Variants in LHFPL3 observed in about 807,000 individuals in gnomAD.
LHFPL3 encodes LHFPL tetraspan subfamily member 3 protein.
A neutral mutation model predicts 19.3 loss-of-function variants in LHFPL3; 5 were observed. That is an observed-to-expected ratio of 0.26 (90% confidence interval 0.14 to 0.54). LHFPL3 has a LOEUF of 0.54. Ranked by LOEUF, LHFPL3 falls within the 20% of genes least tolerant of loss-of-function variation. LHFPL3 has a pLI of 0.94. For synonymous variants in LHFPL3, 133 were observed against 126.2 expected, an observed-to-expected ratio of 1.05 and a Z score of -0.36; for missense variants, 249 against 307.4, an observed-to-expected ratio of 0.81 and a Z score of 1.42.
chr7:104,906,087 TC>T, intron 2 of LHFPL3, 99 bp from the exon 3 acceptor site: 1 of 1,130,224 alleles, frequency 8.8e-7, no homozygotes, highest in African/African-American at 1.5e-5. Flanking sequence ...GTATAGTTTT[TC>T]CGTGACAAAT....
At chr7:104,629,516 T>C (rs1323197752) in intron 1 of LHFPL3, among the ~76,000 whole-genome samples, 4 of 152,208 alleles carry the variant, frequency 2.6e-5, no homozygotes, top group East Asian at 3.8e-4. Context: ...CACATTTCTC[T>C]TGATGCCCTT....
chr7:104,854,417 T>G (rs972754234), intron 2 of LHFPL3, among the ~76,000 whole-genome samples: 1 of 152,232 alleles, frequency 6.6e-6, no homozygotes, highest in Non-Finnish European at 1.5e-5. Flanking sequence ...ACTCCTACCC[T>G]GTCTTCAGAG....
chr7:104,385,093 G>A (rs1382106333), intron 1 of LHFPL3, among the ~76,000 whole-genome samples: 1 of 152,098 alleles, frequency 6.6e-6, no homozygotes, highest in Non-Finnish European at 1.5e-5. Context: ...CTGGTGTGGT[G>A]ACTCACGCCT....
chr7:104,573,670 T>A (rs115225828), intron 1 of LHFPL3, among the ~76,000 whole-genome samples: 2,127 of 152,282 alleles, frequency 0.014, 45 homozygotes, highest in African/African-American at 0.048. Flanking sequence ...AGGGCCTGGG[T>A]AAAGGTTGGG....
intron 1 of LHFPL3, among the ~76,000 whole-genome samples, chr7:104,532,954 G>A (rs1794330085): frequency 6.6e-6 from 1 of 152,148 alleles, no homozygotes; most frequent in African/African-American, 2.4e-5. Context: ...GGTTTAATGT[G>A]TCAAGGAGGA....
At chr7:104,444,202 A>G (rs1263649517) in intron 1 of LHFPL3, among the ~76,000 whole-genome samples, 1 of 152,224 alleles carries the variant, frequency 6.6e-6, no homozygotes, top group Non-Finnish European at 1.5e-5. Context: ...CAGCTGTAAC[A>G]TGCCTACAGA....
At chr7:104,384,004 T>A (rs1790884448) in intron 1 of LHFPL3, among the ~76,000 whole-genome samples, 1 of 152,170 alleles carries the variant, frequency 6.6e-6, no homozygotes, top group Non-Finnish European at 1.5e-5. Flanking sequence ...AGCCGCCTGG[T>A]TTTTTACCTT....
Position 104,516,259 on chromosome 7 carries a change from AACTC to A in LHFPL3, c.445+187043_445+187046del, listed in dbSNP as rs1584373674. On this transcript the variant is annotated intron_variant, in intron 1 of 2. Coordinates refer to ENST00000424859, the MANE Select transcript of LHFPL3 (RefSeq NM_199000.3). ...TAGCAAAACCATCAGATTTTGTGAGAACTCACTCACTATCACAGGAATAGCATGG... is the reference window on the plus strand; with the variant it reads ...TAGCAAAACCATCAGATTTTGTGAGAACTCACTATCACAGGAATAGCATGG... Among the ~76,000 whole-genome samples the A allele has an allele frequency of 2.6e-5, 4 of 152,042 alleles. No individual in the cohort carries two copies. The South Asian group carries it at 8.3e-4, about 32-fold the overall frequency.
chr7:104,743,483 T>A (rs1793975020), intron 2 of LHFPL3, among the ~76,000 whole-genome samples: 3 of 152,234 alleles, frequency 2.0e-5, no homozygotes, highest in Admixed American at 2.0e-4. Context: ...AGTATTTCTT[T>A]AAAATATTTA....
At chr7:104,881,974 C>A (rs1459619962) in intron 2 of LHFPL3, among the ~76,000 whole-genome samples, 1 of 152,180 alleles carries the variant, frequency 6.6e-6, no homozygotes, top group Admixed American at 6.5e-5. Flanking sequence ...AATGCTACTG[C>A]GCACTTACCA....
chr7:104,429,217 A>G (rs1288110454), intron 1 of LHFPL3, among the ~76,000 whole-genome samples: 1 of 152,102 alleles, frequency 6.6e-6, no homozygotes, highest in Non-Finnish European at 1.5e-5. Flanking sequence ...TAAAAACAGC[A>G]TAAAAAATAC....
intron 2 of LHFPL3, among the ~76,000 whole-genome samples, chr7:104,898,655 G>C (rs1792416447): frequency 6.6e-6 from 1 of 151,992 alleles, no homozygotes; most frequent in South Asian, 2.1e-4. Flanking sequence ...GACATTTATG[G>C]GCCACGAAGC....
intron 1 of LHFPL3, among the ~76,000 whole-genome samples, chr7:104,612,527 C>G (rs146569886): frequency 8.1e-4 from 124 of 152,250 alleles, no homozygotes; most frequent in African/African-American, 3.0e-3. Context: ...ATAAATTTTT[C>G]GAATGTACCA....
At chr7:104,520,156 AG>A (rs1230617647) in intron 1 of LHFPL3, among the ~76,000 whole-genome samples, 16 of 152,136 alleles carry the variant, frequency 1.1e-4, no homozygotes, top group African/African-American at 2.4e-4. Context: ...TTTAGCATGA[AG>A]GGTTGTTGAA....
chr7:104,771,794 T>G (rs1794555735), intron 2 of LHFPL3, among the ~76,000 whole-genome samples: 1 of 150,582 alleles, frequency 6.6e-6, no homozygotes, highest in South Asian at 2.1e-4. Context: ...TTTCAATACT[T>G]ATTAATTTTT....
chr7:104,832,691 C>G (rs1790977772), intron 2 of LHFPL3, among the ~76,000 whole-genome samples: 1 of 145,484 alleles, frequency 6.9e-6, no homozygotes, highest in Admixed American at 7.0e-5. Flanking sequence ...ATAACCCAGT[C>G]CTCGGATGGG....
At chr7:104,847,596 C>T (rs181163914) in intron 2 of LHFPL3, among the ~76,000 whole-genome samples, 54 of 152,266 alleles carry the variant, frequency 3.5e-4, no homozygotes, top group African/African-American at 1.2e-3. Context: ...CTGCAACCTC[C>T]GACTCCCAGG....
intron 2 of LHFPL3, among the ~76,000 whole-genome samples, chr7:104,795,556 G>A (rs933651749): frequency 2.6e-5 from 4 of 152,152 alleles, no homozygotes; most frequent in African/African-American, 4.8e-5. Flanking sequence ...GCAGACACAC[G>A]TTGTCTTTTT....
At chr7:104,586,132 T>C (rs1328280835) in intron 1 of LHFPL3, among the ~76,000 whole-genome samples, 1 of 151,988 alleles carries the variant, frequency 6.6e-6, no homozygotes, top group Non-Finnish European at 1.5e-5. Context: ...AAGTGAACCA[T>C]GAAAATAAAA....
Sources: allele counts gnomAD v4.1 joint callset (sites outside exome capture counted in the v4.1 genomes callset), GRCh38; gene constraint gnomAD v4.1.1; transcripts MANE v1.5; gene names NCBI Gene and HGNC (gene_info 2026-07-23, HGNC 2026-07-21).